NOTCH3: variants seen among roughly 807,000 people sequenced by gnomAD.
NOTCH3 encodes the protein notch receptor 3, also known as neurogenic locus notch homolog protein 3.
A neutral mutation model predicts 213.3 loss-of-function variants in NOTCH3; 86 were observed. The ratio of observed to expected loss-of-function variants is 0.40; its 90% CI spans 0.34 to 0.48. The LOEUF is 0.48. NOTCH3 is among the 20% of genes least tolerant of loss of function. NOTCH3 has a pLI of 0.57. For synonymous variants in NOTCH3, 1,354 were observed against 1,355.9 expected, an observed-to-expected ratio of 1.00 and a Z score of 0.03; for missense variants, 2,783 against 3,272.6, an observed-to-expected ratio of 0.85 and a Z score of 3.65.
chr19:15,189,180 G>A lies in NOTCH3; in HGVS notation c.1193-6C>T, dbSNP rs775377482. The A allele has an allele frequency of 3.2e-5, 51 of 1,613,316 alleles. No homozygotes were observed. Among genetic ancestry groups the A allele is most frequent in the Non-Finnish European group, 4.1e-5 (48 of 1,180,036 alleles). ...GTGCTCGCAGGGGTTGGCGCCTGCC[G>A]GATGGAGTGCGATCGGTGTGGGCGT... is the stretch of plus-strand genomic sequence containing the variant. On this transcript the variant is annotated splice_region_variant and splice_polypyrimidine_tract_variant and intron_variant, in intron 7 of 32. Coordinates refer to ENST00000263388, the MANE Select transcript of NOTCH3 (RefSeq NM_000435.3).
Position 15,170,015 on chromosome 19 carries a change from C to G in NOTCH3, c.5199+71G>C, listed in dbSNP as rs544449574. Reference sequence around the variant, plus strand: ...ATCCCCTGATCACGCCCATCATCCACTGGGGACCCCACCCAGTACCCTGAG... The same window carrying G: ...ATCCCCTGATCACGCCCATCATCCAGTGGGGACCCCACCCAGTACCCTGAG... On this transcript the variant is annotated intron_variant, in intron 28 of 32. Coordinates refer to ENST00000263388, the MANE Select transcript of NOTCH3 (RefSeq NM_000435.3). The G allele has an allele frequency of 1.3e-5, 11 of 856,028 alleles. No homozygotes were observed. In the East Asian group the frequency reaches 2.9e-4, roughly 23 times the overall value. 53.0% of individuals were successfully genotyped at this position (856,028 alleles called of 1,614,324 possible).
chr19:15,184,480 G>T, intron 15 of NOTCH3, 30 bp from the exon 16 acceptor site: 1 of 1,612,040 alleles, frequency 6.2e-7, no homozygotes, highest in South Asian at 1.1e-5. Context: ...TTACACCTAG[G>T]GTTACAGGGT....
chr19:15,193,770 CA>C (rs71333358), intron 2 of NOTCH3, among the ~76,000 whole-genome samples: 1 of 27,666 alleles, frequency 3.6e-5, no homozygotes, highest in Non-Finnish European at 7.4e-5. Flanking sequence ...GACTCCATCT[CA>C]AAAAAAAACA....
chr19:15,174,439 G>A (rs1479880631), intron 24 of NOTCH3, 39 bp from the exon 25 acceptor site: 3 of 1,447,398 alleles, frequency 2.1e-6, no homozygotes, highest in Non-Finnish European at 2.8e-6. Context: ...GCGGAGTCAG[G>A]GGTCAGAGGA....
chr19:15,197,753 C>A, intron 1 of NOTCH3, among the ~76,000 whole-genome samples, 175 bp from the exon 2 acceptor site: 1 of 140,342 alleles, frequency 7.1e-6, no homozygotes, highest in Non-Finnish European at 1.5e-5. Context: ...CCCCCCGCCC[C>A]AGCCCCAGCT....
Position 15,175,533 on chromosome 19 carries a change from T to TAAA in NOTCH3, c.4404-1136_4404-1134dup, listed in dbSNP as rs34762214. 7.4e-3 allele frequency among the ~76,000 whole-genome samples: 328 copies of TAAA among 44,190 alleles called. 12 individuals carry two copies. The highest frequency in any genetic ancestry group is 0.028 in the Middle Eastern group (1 of 36). 29.0% of individuals were successfully genotyped at this position (44,190 alleles called of 152,430 possible). A position where few individuals can be genotyped will look rare whatever the true frequency, so the allele number is the denominator to read the frequency against. On this transcript the variant is annotated intron_variant, in intron 24 of 32. Transcript: ENST00000263388. ...TGGGCAATGGGAGAGAAATCCTGTCTAAAAAAAAAAAAAAAAAAAATACAT... is the reference window on the plus strand; with the variant it reads ...TGGGCAATGGGAGAGAAATCCTGTCTAAAAAAAAAAAAAAAAAAAAAAATACAT...
intron 32 of NOTCH3, 83 bp from the exon 33 acceptor site, chr19:15,161,797 G>T: frequency 8.0e-7 from 1 of 1,256,060 alleles, no homozygotes; most frequent in Non-Finnish European, 1.1e-6. Context: ...GAGCCCGAGA[G>T]CTATGAGTTT....
intron 29 of NOTCH3, among the ~76,000 whole-genome samples, chr19:15,166,374 A>G (rs2046685980): frequency 6.7e-6 from 1 of 149,710 alleles, no homozygotes; most frequent in South Asian, 2.1e-4. Flanking sequence ...TGATCCTCCA[A>G]AGGGACTCTG....
intron 29 of NOTCH3, among the ~76,000 whole-genome samples, chr19:15,166,508 G>C (rs908105772): frequency 4.4e-4 from 3 of 6,886 alleles, no homozygotes; most frequent in Non-Finnish European, 1.2e-3. Context: ...GTTTTAAAAG[G>C]GGGGGGGAAA....
In NOTCH3 at chr19:15,180,782, C is replaced by T. The variant is rs2046833376; in HGVS notation, c.3041G>A (p.Arg1014His). 1.2e-6 allele frequency: 2 copies of T among 1,608,268 alleles called. No homozygotes were observed. Among genetic ancestry groups the T allele is most frequent in the Non-Finnish European group, 1.7e-6 (2 of 1,177,912 alleles). ...CSRQPCQNGG[R>H]CVQTGAYCLC... ...GCAATAGGCCCCAGTCTGGACGCAG[C>T]GACCCCCGTTTTGACAAGGCTGGCG... Residue 1014 changes from arginine to histidine, a missense_variant, in exon 19 of 33, where the codon CGC becomes CAC. Physicochemically the swap from Arg to His is conservative, Grantham distance 29. This residue lies in a region of NOTCH3 where 861 missense variants were observed against 909.1 expected (regional missense o/e 0.95). Coordinates refer to ENST00000263388, the MANE Select transcript of NOTCH3 (RefSeq NM_000435.3).
chr19:15,164,961 T>A (rs2046673871), intron 31 of NOTCH3, among the ~76,000 whole-genome samples: 1 of 152,050 alleles, frequency 6.6e-6, no homozygotes, highest in South Asian at 2.1e-4. Flanking sequence ...TTCAAAAAAC[T>A]TTTGTAGAAC....
intron 2 of NOTCH3, among the ~76,000 whole-genome samples, chr19:15,195,315 C>G (rs901633689): frequency 2.6e-5 from 4 of 152,044 alleles, no homozygotes; most frequent in Non-Finnish European, 5.9e-5. Context: ...CCTCCCCAAG[C>G]CCACCAAGGA....
At position 15,177,539 on chromosome 19, in the gene NOTCH3, G is replaced by A. The variant is rs1599378366; in HGVS notation, c.4389C>T (p.Arg1463=). ...YDNFDCHAGG[R]ERTCNPVYEK... is the part of the protein sequence containing the mutation. The stretch of plus-strand genomic sequence containing the variant: ...GATGGGCTCACTTGCAAGTGCGCTC[G>A]CGGCCACCGGCGTGGCAGTCGAAGT... The change falls in exon 24 of 33, where the codon CGC becomes CGT. Residue 1463 remains arginine, a synonymous_variant. Transcript: ENST00000263388. The A allele has an allele frequency of 6.2e-6, 10 of 1,609,954 alleles. No individual in the cohort carries two copies. Among genetic ancestry groups the A allele is most frequent in the South Asian group, 1.1e-5 (1 of 90,366 alleles).
At chr19:15,167,180 A>T in intron 29 of NOTCH3, 69 bp downstream of exon 29, 1 of 1,532,098 alleles carries the variant, frequency 6.5e-7, no homozygotes, top group Non-Finnish European at 9.0e-7. Flanking sequence ...CAAAACACAG[A>T]GTCAGAAATA....
intron 25 of NOTCH3, 145 bp from the exon 26 acceptor site, chr19:15,170,970 G>C (rs1353380010): frequency 3.6e-6 from 3 of 831,602 alleles, no homozygotes; most frequent in Admixed American, 2.1e-5. Context: ...GCATCCACCT[G>C]GCATCCAACC....
At position 15,170,832 on chromosome 19, in the gene NOTCH3, G is replaced by C. The variant is rs1051059969; in HGVS notation, c.4737-7C>G. 4 of 1,612,776 alleles carry C rather than the reference G, an allele frequency of 2.5e-6. No individual in the cohort carries two copies. The highest frequency in any genetic ancestry group is 3.4e-6 in the Non-Finnish European group (4 of 1,179,878). ...CTCCAGCATTACTACCGAGCTGCAG[G>C]GACAGCAGGGAGGGACCAGAGGGCT... On this transcript the variant is annotated splice_polypyrimidine_tract_variant and splice_region_variant and intron_variant, in intron 25 of 32. Transcript: ENST00000263388.
intron 28 of NOTCH3, among the ~76,000 whole-genome samples, chr19:15,168,211 C>T (rs531217201): frequency 7.2e-5 from 11 of 152,152 alleles, no homozygotes; most frequent in South Asian, 2.1e-4. Flanking sequence ...ATCAGGATGA[C>T]GCAGCCATTC....
At chr19:15,170,224 G>T (rs2046720186) in intron 27 of NOTCH3, 54 bp from the exon 28 acceptor site, 1 of 1,511,610 alleles carries the variant, frequency 6.6e-7, no homozygotes, top group Non-Finnish European at 9.1e-7. Flanking sequence ...GTGTCCAGCT[G>T]GGAAGGAGGA....
chr19:15,187,806 C>G, intron 10 of NOTCH3, 75 bp downstream of exon 10: 1 of 1,243,850 alleles, frequency 8.0e-7, no homozygotes, highest in African/African-American at 1.5e-5. Context: ...AAGCTCTCCC[C>G]AAGTCTGTTA....
Sources: gnomAD v4.1 joint callset for allele counts (sites outside exome capture counted in the v4.1 genomes callset) on GRCh38, gnomAD v4.1.1 for gene constraint, gnomAD v4.1.1 regional missense constraint, MANE v1.5 for transcripts, NCBI Gene and HGNC (gene_info 2026-07-23, HGNC 2026-07-21) for gene names.